Variants in VAV2 observed in about 807,000 individuals in gnomAD.
The protein encoded by VAV2 is guanine nucleotide exchange factor VAV2.
Under a neutral mutation model 132.5 loss-of-function variants are expected in VAV2, and 67 were observed. The observed-to-expected ratio is 0.51, with a 90% CI of 0.42 to 0.62. The LOEUF (loss-of-function observed/expected upper bound fraction) is 0.62, where lower values mean the gene tolerates loss of function less well. Ranked by LOEUF, VAV2 falls within the 20% of genes least tolerant of loss-of-function variation. The pLI, the probability that VAV2 is intolerant of heterozygous loss-of-function variation, is 0.00. For synonymous variants in VAV2, 492 were observed against 443.5 expected (o/e 1.11, Z -1.37); for missense variants, 938 against 1,153.6 (o/e 0.81, Z 2.71).
In VAV2 at chr9:133,824,149, G is replaced by A. The variant is rs1452725129; in HGVS notation, c.449+10123C>T. On this transcript the variant is annotated intron_variant, in intron 4 of 29. Coordinates refer to ENST00000371850, the MANE Select transcript of VAV2 (RefSeq NM_001134398.2). The surrounding 1 kb of genome is among the most constrained non-coding windows in gnomAD (Gnocchi z 5.2). ...GAAAGTGTGGGGCTCTCATCCCAAC[G>A]AGCTGCGGTCTCCACAGCCAGCCCC... Among the ~76,000 whole-genome samples, 1 of 152,160 alleles carries A rather than the reference G, an allele frequency of 6.6e-6. No homozygotes were observed. The highest frequency in any genetic ancestry group is 1.5e-5 in the Non-Finnish European group (1 of 68,022).
chr9:133,939,539 C>T (rs1273721492), intron 1 of VAV2, among the ~76,000 whole-genome samples: 5 of 152,196 alleles, frequency 3.3e-5, no homozygotes, highest in Admixed American at 3.3e-4. Context: ...AGAAGACACG[C>T]CACTCCCCGT....
In VAV2 at chr9:133,915,826, G is replaced by A. The variant is rs1840062407; in HGVS notation, c.321+23277C>T. Among the ~76,000 whole-genome samples the A allele has an allele frequency of 5.2e-4, 5 of 9,694 alleles. No individual in the cohort carries two copies. The South Asian group carries it at 0.015, about 29-fold the overall frequency. The allele number at this position is 9,694 out of a possible 152,430, so 6.4% of individuals were successfully genotyped here. A position where few individuals can be genotyped will look rare whatever the true frequency, so the allele number is the denominator to read the frequency against. The stretch of plus-strand genomic sequence containing the variant: ...ACGATGCACACATGCACTCACACAC[G>A]CACACGTGCACACACAACGCACACA... On this transcript the variant is annotated intron_variant, in intron 2 of 29. Coordinates refer to ENST00000371850, the MANE Select transcript of VAV2 (RefSeq NM_001134398.2).
chr9:133,820,253 C>T (rs924405993), intron 4 of VAV2, among the ~76,000 whole-genome samples: 17 of 152,216 alleles, frequency 1.1e-4, no homozygotes, highest in African/African-American at 3.4e-4. Context: ...TTGGCCATCA[C>T]CGACGTGGAA....
chr9:133,968,086 T>C (rs906238448), intron 1 of VAV2, among the ~76,000 whole-genome samples: 1 of 151,908 alleles, frequency 6.6e-6, no homozygotes, highest in African/African-American at 2.4e-5. Flanking sequence ...GATTGGTTAA[T>C]GGGGGCAAAC....
rs529318781 is a variant in VAV2 at position 133,985,588 on chromosome 9, T to G, written c.204+6487A>C. Among the ~76,000 whole-genome samples, 44 of 152,280 alleles carry G rather than the reference T, an allele frequency of 2.9e-4. 1 individual carries two copies. The South Asian group carries it at 8.9e-3, about 31-fold the overall frequency. On this transcript the variant is annotated intron_variant, in intron 1 of 29. Transcript: ENST00000371850. ...TGAGCCATCGCGCCCGGCCCTGATC[T>G]TGCCTTCTAAATACCCCTCTCCACT...
At position 133,788,321 on chromosome 9, in the gene VAV2, C is replaced by A; in HGVS notation, c.1407+33G>T. 1 of 1,520,152 alleles carries A rather than the reference C, an allele frequency of 6.6e-7. No homozygotes were observed. The highest frequency in any genetic ancestry group is 1.1e-5 in the South Asian group (1 of 89,744). 94.2% of individuals were successfully genotyped at this position (1,520,152 alleles called of 1,614,324 possible). ...CCTCTCTCCAGGCCACCCCCACGTT[C>A]CTGGGTAGCAGGGGGGACCCGGAAG... On this transcript the variant is annotated intron_variant, in intron 15 of 29. Transcript: ENST00000371850. The surrounding 1 kb of genome is among the most constrained non-coding windows in gnomAD (Gnocchi z 5.3).
intron 2 of VAV2, among the ~76,000 whole-genome samples, chr9:133,911,711 T>A (rs947227329): frequency 2.6e-5 from 4 of 152,174 alleles, no homozygotes; most frequent in African/African-American, 9.7e-5. Flanking sequence ...GACCTCTGCA[T>A]CACACACACA....
chr9:133,969,700 G>C lies in VAV2; in HGVS notation c.204+22375C>G, dbSNP rs1031376169. ...CCAGAGCACCCTCTTCATCACCCAA[G>C]TCCAATCCACCCCAAGCCCACCCAC... On this transcript the variant is annotated intron_variant, in intron 1 of 29. Transcript: ENST00000371850. The surrounding 1 kb of genome is among the most constrained non-coding windows in gnomAD (Gnocchi z 5.1). 6.6e-6 allele frequency among the ~76,000 whole-genome samples: 1 copy of C among 152,050 alleles called. No individual in the cohort carries two copies. The highest frequency in any genetic ancestry group is 2.4e-5 in the African/African-American group (1 of 41,380).
rs559329933 is a variant in VAV2 at position 133,991,149 on chromosome 9, C to G, written c.204+926G>C. ...TGCTGAGCTGGCTGGAAGACCGCAC[C>G]TCCTCGGCGCTGGGTGGACCCGGCT... On this transcript the variant is annotated intron_variant, in intron 1 of 29. Coordinates refer to ENST00000371850, the MANE Select transcript of VAV2 (RefSeq NM_001134398.2). This position sits in a 1 kb window ranked among gnomAD's most constrained non-coding sequence, Gnocchi z 4.8. 6.6e-6 allele frequency among the ~76,000 whole-genome samples: 1 copy of G among 152,278 alleles called. No individual in the cohort carries two copies. The highest frequency in any genetic ancestry group is 2.1e-4 in the South Asian group (1 of 4,816).
intron 18 of VAV2, 38 bp from the exon 19 acceptor site, chr9:133,783,629 G>T (rs1478083841): frequency 6.2e-7 from 1 of 1,601,428 alleles, no homozygotes; most frequent in African/African-American, 1.3e-5. Context: ...TCGAGGCTGG[G>T]GTCGGCTCCT....
intron 1 of VAV2, among the ~76,000 whole-genome samples, chr9:133,957,832 G>A (rs926554909): frequency 3.8e-5 from 5 of 130,416 alleles, no homozygotes; most frequent in Non-Finnish European, 9.1e-5. Context: ...GTAGAAAGAA[G>A]TAGACATGGA....
Position 133,823,863 on chromosome 9 carries a change from TCA to T in VAV2, c.449+10407_449+10408del. 6.6e-6 allele frequency among the ~76,000 whole-genome samples: 1 copy of T among 152,226 alleles called. No individual in the cohort carries two copies. Among genetic ancestry groups the T allele is most frequent in the East Asian group, 1.9e-4 (1 of 5,176 alleles). ...CCTGGAAGTCCCAGGCCATACCTGCTCACACACACACGGGAATGCGGAGCGGG... is the reference window on the plus strand; with the variant it reads ...CCTGGAAGTCCCAGGCCATACCTGCTCACACACACGGGAATGCGGAGCGGG... On this transcript the variant is annotated intron_variant, in intron 4 of 29. Transcript: ENST00000371850. The surrounding 1 kb of genome is among the most constrained non-coding windows in gnomAD (Gnocchi z 5.5).
At position 133,788,006 on chromosome 9, in the gene VAV2, G is replaced by A. The variant is rs1834298737; in HGVS notation, c.1407+348C>T. Among the ~76,000 whole-genome samples, 1 of 152,256 alleles carries A rather than the reference G, an allele frequency of 6.6e-6. No homozygotes were observed. The highest frequency in any genetic ancestry group is 2.4e-5 in the African/African-American group (1 of 41,470). On this transcript the variant is annotated intron_variant, in intron 15 of 29. Coordinates refer to ENST00000371850, the MANE Select transcript of VAV2 (RefSeq NM_001134398.2). The surrounding 1 kb of genome is among the most constrained non-coding windows in gnomAD (Gnocchi z 5.3). ...GGACAACATGGGCTAGAGTCAGGCT[G>A]GCCAGATGGAAAGCCAAGGTTGAAA...
chr9:133,803,147 G>A (rs1057023552), intron 9 of VAV2, among the ~76,000 whole-genome samples: 1 of 152,088 alleles, frequency 6.6e-6, no homozygotes, highest in African/African-American at 2.4e-5. Flanking sequence ...AAGTCTCGGT[G>A]CACCAAAGCG....
intron 2 of VAV2, among the ~76,000 whole-genome samples, chr9:133,896,054 T>C (rs1335700559): frequency 1.1e-5 from 1 of 87,020 alleles, no homozygotes; most frequent in African/African-American, 5.2e-5. Context: ...AGGTCTCTGG[T>C]TTTCCTAGGC....
chr9:133,813,826 G>A (rs1346041270), intron 4 of VAV2, among the ~76,000 whole-genome samples: 1 of 152,228 alleles, frequency 6.6e-6, no homozygotes, highest in African/African-American at 2.4e-5. Context: ...AAGAGCCACC[G>A]ACCCATGGGC....
chr9:133,803,107 C>A (rs966369158), intron 9 of VAV2, among the ~76,000 whole-genome samples: 3 of 152,114 alleles, frequency 2.0e-5, no homozygotes, highest in Non-Finnish European at 4.4e-5. Context: ...ATCCACAGGG[C>A]AGCCTCACTC....
intron 2 of VAV2, among the ~76,000 whole-genome samples, chr9:133,911,100 C>T (rs1272808105): frequency 6.6e-6 from 1 of 152,186 alleles, no homozygotes; most frequent in Non-Finnish European, 1.5e-5. Flanking sequence ...TTCTTGGGAG[C>T]ACAGGTCTGA....
Position 133,770,466 on chromosome 9 carries a change from C to T in VAV2, c.2259G>A (p.Lys753=), listed in dbSNP as rs1387731817. Residue 753 remains lysine (K), a synonymous_variant, in exon 27 of 30, where the codon AAG becomes AAA. Coordinates refer to ENST00000371850, the MANE Select transcript of VAV2 (RefSeq NM_001134398.2). ...LVEYYQCHSL[K]ESFKQLDTTL... ...TGGTGTCCAGCTGCTTGAAGCTCTC[C>T]TTCAGTGAGTGGCACTGGTAGTACT... The T allele has an allele frequency of 1.2e-6, 2 of 1,614,108 alleles. No homozygotes were observed. The highest frequency in any genetic ancestry group is 8.5e-7 in the Non-Finnish European group (1 of 1,179,974).
Sources: allele counts gnomAD v4.1 joint callset (sites outside exome capture counted in the v4.1 genomes callset), GRCh38; gene constraint gnomAD v4.1.1; non-coding constraint Gnocchi (gnomAD v3.1); transcripts MANE v1.5; gene names NCBI Gene and HGNC (gene_info 2026-07-23, HGNC 2026-07-21).